The following PTPRA variants were observed in gnomAD, a reference collection of about 807,000 sequenced individuals.
The protein encoded by PTPRA is receptor-type tyrosine-protein phosphatase alpha.
A neutral mutation model predicts 104.8 loss-of-function variants in PTPRA; 25 were observed. That is an observed-to-expected ratio of 0.24 (90% CI 0.17 to 0.33). The LOEUF (loss-of-function observed/expected upper bound fraction) is 0.33. Among genes scored for constraint, PTPRA ranks in the 10% least tolerant of loss-of-function variants. PTPRA has a pLI of 1.00. For missense variants in PTPRA, 765 were observed against 1,015.3 expected, an observed-to-expected ratio of 0.75 and a Z score of 3.35; for synonymous variants, 323 against 368.9, an observed-to-expected ratio of 0.88 and a Z score of 1.43.
In PTPRA at chr20:2,909,916, TTA is replaced by T. The variant is rs1491063741; in HGVS notation, c.-128-13285_-128-13284del. On this transcript the variant is annotated intron_variant, in intron 1 of 23. Coordinates refer to ENST00000399903, the MANE Select transcript of PTPRA (RefSeq NM_001385305.1). ...ATATATAATATATGACATATATATG[TTA>T]TATATTGTTATATATAATATGTGTA... Among the ~76,000 whole-genome samples, 17 of 126,426 alleles carry T rather than the reference TTA, an allele frequency of 1.3e-4. No individual in the cohort carries two copies. The South Asian group carries it at 3.5e-3, about 26-fold the overall frequency. The allele number at this position is 126,426 out of a possible 152,430, so 82.9% of individuals were successfully genotyped here. A position where few individuals can be genotyped will look rare whatever the true frequency, so the allele number is the denominator to read the frequency against.
At chr20:2,994,441 A>G (rs1323900119) in intron 9 of PTPRA, among the ~76,000 whole-genome samples, 1 of 152,328 alleles carries the variant, frequency 6.6e-6, no homozygotes, top group Middle Eastern at 3.4e-3. Flanking sequence ...ATGGTCTCCA[A>G]CAGTCTTTCT....
At chr20:3,012,348 C>T (rs2064214962) in intron 11 of PTPRA, among the ~76,000 whole-genome samples, 1 of 152,116 alleles carries the variant, frequency 6.6e-6, no homozygotes, top group African/African-American at 2.4e-5. Context: ...GAAGCGGCGA[C>T]AAAGTGAAAA....
chr20:2,928,122 GTT>G lies in PTPRA; in HGVS notation c.-50+4838_-50+4839del, dbSNP rs1425468759. Among the ~76,000 whole-genome samples the G allele has an allele frequency of 3.6e-4, 53 of 149,030 alleles. 1 individual carries two copies. Among genetic ancestry groups the G allele is most frequent in the African/African-American group, 4.7e-4 (19 of 40,168 alleles). ...TGACTCTTTCTGGTATCCGTTTTTT[GTT>G]GTTGTTGTTGTTGTTGTTTGTTTGT... is the stretch of plus-strand genomic sequence containing the variant. On this transcript the variant is annotated intron_variant, in intron 2 of 23. Transcript: ENST00000399903.
At chr20:2,951,608 A>T (rs1448155526) in intron 3 of PTPRA, among the ~76,000 whole-genome samples, 1 of 152,174 alleles carries the variant, frequency 6.6e-6, no homozygotes, top group Non-Finnish European at 1.5e-5. Flanking sequence ...TATTCAAACT[A>T]GCCAGTCCTA....
chr20:3,008,583 A>G (rs1310493710), intron 11 of PTPRA, among the ~76,000 whole-genome samples: 1 of 152,046 alleles, frequency 6.6e-6, no homozygotes, highest in Non-Finnish European at 1.5e-5. Context: ...TTAATGCTAC[A>G]GAACTGTACA....
chr20:3,022,206 C>T lies in PTPRA; in HGVS notation c.1314C>T (p.Ile438=), dbSNP rs1371534034. Reference sequence around the variant, plus strand: ...GTAACCCTCAGTATGCAGGGGCCATCGTGGTCCACTGCAGGTCAGTGTGGC... The same window carrying T: ...GTAACCCTCAGTATGCAGGGGCCATTGTGGTCCACTGCAGGTCAGTGTGGC... ...KACNPQYAGA[I]VVHCSAGVGR... Residue 438 remains isoleucine, a synonymous_variant, in exon 15 of 24, where the codon ATC becomes ATT. Coordinates refer to ENST00000399903, the MANE Select transcript of PTPRA (RefSeq NM_001385305.1). This position sits in a 1 kb window ranked among gnomAD's most constrained non-coding sequence, Gnocchi z 4.6. 28 of 1,614,048 alleles carry T rather than the reference C, an allele frequency of 1.7e-5. No individual in the cohort carries two copies. Among genetic ancestry groups the T allele is most frequent in the African/African-American group, 4.0e-5 (3 of 74,936 alleles).
intron 2 of PTPRA, among the ~76,000 whole-genome samples, chr20:2,945,560 C>T (rs2061092747): frequency 6.6e-6 from 1 of 150,948 alleles, no homozygotes; most frequent in Non-Finnish European, 1.5e-5. Flanking sequence ...GTATGGAGCA[C>T]GGAGCTTGAT....
At chr20:3,012,975 A>G (rs1419197187) in intron 11 of PTPRA, among the ~76,000 whole-genome samples, 3 of 152,180 alleles carry the variant, frequency 2.0e-5, no homozygotes, top group East Asian at 1.9e-4. Context: ...AGAGTTTACA[A>G]TTCAGTGTTT....
intron 1 of PTPRA, among the ~76,000 whole-genome samples, chr20:2,897,103 A>G (rs1426891081): frequency 2.0e-5 from 3 of 152,192 alleles, no homozygotes; most frequent in African/African-American, 4.8e-5. Context: ...AATTTGTCCA[A>G]TTACTGGTTA....
At chr20:2,917,849 T>C (rs2059959999) in intron 1 of PTPRA, among the ~76,000 whole-genome samples, 1 of 152,068 alleles carries the variant, frequency 6.6e-6, no homozygotes, top group South Asian at 2.1e-4. Flanking sequence ...CCAGCACTTT[T>C]GGAGACCGAG....
In PTPRA at chr20:3,035,757, AC is replaced by A. The variant is rs2065767954; in HGVS notation, c.2047-29del. The A allele has an allele frequency of 3.1e-6, 5 of 1,614,020 alleles. No individual in the cohort carries two copies. The highest frequency in any genetic ancestry group is 4.2e-6 in the Non-Finnish European group (5 of 1,180,030). ...CTCTGCCCACAGGAAAAGCAGGGTT[AC>A]CCCTGCCTCCCTGATCCCCTTTTTT... is the stretch of plus-strand genomic sequence containing the variant. On this transcript the variant is annotated intron_variant, in intron 21 of 23. Coordinates refer to ENST00000399903, the MANE Select transcript of PTPRA (RefSeq NM_001385305.1). This position sits in a 1 kb window ranked among gnomAD's most constrained non-coding sequence, Gnocchi z 5.8.
chr20:2,915,587 G>C (rs1054991064), intron 1 of PTPRA, among the ~76,000 whole-genome samples: 5 of 152,184 alleles, frequency 3.3e-5, no homozygotes, highest in Admixed American at 3.3e-4. Flanking sequence ...AAATTTTGAC[G>C]AATTCCAATT....
In PTPRA at chr20:2,934,356, G is replaced by A. The variant is rs538178106; in HGVS notation, c.-50+11071G>A. 6.8e-4 allele frequency among the ~76,000 whole-genome samples: 103 copies of A among 151,936 alleles called. 1 individual carries two copies. The highest frequency in any genetic ancestry group is 2.2e-3 in the African/African-American group (93 of 41,422). Reference sequence around the variant, plus strand: ...TGGGCTCAAGCGACCTGCCCACTTCGGCCTCCCAAAGTACTAGGATTACAA... The same window carrying A: ...TGGGCTCAAGCGACCTGCCCACTTCAGCCTCCCAAAGTACTAGGATTACAA... On this transcript the variant is annotated intron_variant, in intron 2 of 23. Coordinates refer to ENST00000399903, the MANE Select transcript of PTPRA (RefSeq NM_001385305.1).
chr20:2,938,695 AT>A (rs1444878493), intron 2 of PTPRA, among the ~76,000 whole-genome samples: 1 of 151,236 alleles, frequency 6.6e-6, no homozygotes, highest in Non-Finnish European at 1.5e-5. Flanking sequence ...TTCCTTTATC[AT>A]TTTTCTTTTG....
intron 1 of PTPRA, among the ~76,000 whole-genome samples, chr20:2,910,114 T>C (rs1388341060): frequency 1.7e-5 from 2 of 119,170 alleles, no homozygotes; most frequent in African/African-American, 6.6e-5. Flanking sequence ...ATATAATATA[T>C]GATGTATAGT....
intron 6 of PTPRA, among the ~76,000 whole-genome samples, chr20:2,980,112 A>G (rs947806670): frequency 7.2e-4 from 109 of 150,764 alleles, no homozygotes; most frequent in African/African-American, 2.4e-3. Flanking sequence ...GGGTTTCTCT[A>G]TGTTGGTCAG....
intron 3 of PTPRA, among the ~76,000 whole-genome samples, chr20:2,954,935 C>T (rs1273715011): frequency 6.6e-6 from 1 of 152,062 alleles, no homozygotes; most frequent in Non-Finnish European, 1.5e-5. Flanking sequence ...TTCTGAGTAC[C>T]ATTTGATGAA....
chr20:2,955,337 A>G (rs1365260141), intron 3 of PTPRA, among the ~76,000 whole-genome samples: 1 of 152,034 alleles, frequency 6.6e-6, no homozygotes, highest in African/African-American at 2.4e-5. Flanking sequence ...AATCTGACTG[A>G]CTCTTTTGCC....
At chr20:2,884,202 T>G (rs185069936) in intron 1 of PTPRA, among the ~76,000 whole-genome samples, 1 of 152,244 alleles carries the variant, frequency 6.6e-6, no homozygotes, top group Admixed American at 6.5e-5. Context: ...CTGTGAACAT[T>G]CATGTATAAA....
Sources: allele counts gnomAD v4.1 joint callset (sites outside exome capture counted in the v4.1 genomes callset), GRCh38; gene constraint gnomAD v4.1.1; non-coding constraint Gnocchi (gnomAD v3.1); transcripts MANE v1.5; gene names NCBI Gene and HGNC (gene_info 2026-07-23, HGNC 2026-07-21).